EPC2: variants seen among roughly 807,000 people sequenced by gnomAD.
The protein encoded by EPC2 is enhancer of polycomb homolog 2.
EPC2 carries 14 observed loss-of-function variants against 92.1 expected under a neutral mutation model. The observed-to-expected ratio is 0.15, with a 90% CI of 0.10 to 0.24. The LOEUF is 0.24. Ranked by LOEUF, EPC2 falls within the 10% of genes least tolerant of loss-of-function variation. The probability of loss-of-function intolerance (pLI) is 1.00; values close to 1 mark genes in which losing one functional copy is unlikely to be tolerated. For synonymous variants in EPC2, 340 were observed against 334.7 expected (o/e 1.02, Z -0.17); for missense variants, 755 against 971.5 (o/e 0.78, Z 2.96).
chr2:148,678,887 C>A (rs892764548), intron 1 of EPC2, among the ~76,000 whole-genome samples: 5 of 152,206 alleles, frequency 3.3e-5, no homozygotes, highest in African/African-American at 1.2e-4. Flanking sequence ...AAGTGGGAGC[C>A]CAGGCAGAGG....
chr2:148,704,150 A>G (rs1398120687), intron 2 of EPC2, among the ~76,000 whole-genome samples: 1 of 152,272 alleles, frequency 6.6e-6, no homozygotes, highest in East Asian at 1.9e-4. Context: ...TAATACAGGT[A>G]TTCATCACTG....
chr2:148,691,640 A>T (rs186131508), intron 2 of EPC2: 1 of 1,545,454 alleles, frequency 6.5e-7, no homozygotes, highest in Non-Finnish European at 8.8e-7. Context: ...GACACTACCA[A>T]CCGGAGACCA....
At chr2:148,649,639 C>T (rs1320028293) in intron 1 of EPC2, among the ~76,000 whole-genome samples, 3 of 152,032 alleles carry the variant, frequency 2.0e-5, no homozygotes, top group Admixed American at 6.5e-5. Context: ...TGAGGTATTA[C>T]CATTTCTGTT....
chr2:148,722,615 C>T (rs1343957521), intron 2 of EPC2, among the ~76,000 whole-genome samples: 4 of 152,122 alleles, frequency 2.6e-5, no homozygotes, highest in African/African-American at 9.7e-5. Flanking sequence ...AGCAGCGTAG[C>T]GATTTCTCAA....
intron 2 of EPC2, among the ~76,000 whole-genome samples, chr2:148,741,510 T>TA (rs1682878405): frequency 1.3e-5 from 2 of 152,172 alleles, no homozygotes; most frequent in African/African-American, 4.8e-5. Context: ...CTGATTTTAC[T>TA]AAAATTAGAT....
At chr2:148,753,547 A>G (rs1483695561) in intron 3 of EPC2, among the ~76,000 whole-genome samples, 1 of 152,152 alleles carries the variant, frequency 6.6e-6, no homozygotes, top group East Asian at 1.9e-4. Context: ...TAGGGGAACA[A>G]ACAAGCTATT....
At chr2:148,661,978 AAAAC>A (rs1242410480) in intron 1 of EPC2, among the ~76,000 whole-genome samples, 1 of 152,212 alleles carries the variant, frequency 6.6e-6, no homozygotes, top group Non-Finnish European at 1.5e-5. Flanking sequence ...TTACAAGAAA[AAAAC>A]AACCCCATCA....
At chr2:148,746,816 A>G (rs1682993757) in intron 3 of EPC2, among the ~76,000 whole-genome samples, 1 of 146,886 alleles carries the variant, frequency 6.8e-6, no homozygotes, top group Admixed American at 7.3e-5. Context: ...CAGAAAAAAA[A>G]TTGTATACAC....
intron 1 of EPC2, among the ~76,000 whole-genome samples, chr2:148,685,136 A>G (rs1346112256): frequency 2.6e-5 from 4 of 152,066 alleles, no homozygotes; most frequent in Non-Finnish European, 4.4e-5. Context: ...GTAATCATTT[A>G]TAGGTTTTAG....
At chr2:148,674,471 G>A (rs1681224013) in intron 1 of EPC2, among the ~76,000 whole-genome samples, 1 of 152,126 alleles carries the variant, frequency 6.6e-6, no homozygotes, top group Non-Finnish European at 1.5e-5. Context: ...CCATGAACTG[G>A]ACACTTTTGC....
At chr2:148,698,465 A>G (rs183113248) in intron 2 of EPC2, among the ~76,000 whole-genome samples, 4,378 of 151,670 alleles carry the variant, frequency 0.029, 73 homozygotes, top group African/African-American at 0.034. Flanking sequence ...GTGAAACCCT[A>G]TCTCTACTAA....
Position 148,766,925 on chromosome 2 carries a change from T to C in EPC2, c.1140+1779T>C, listed in dbSNP as rs535518902. On this transcript the variant is annotated intron_variant, in intron 7 of 13. Transcript: ENST00000258484. The stretch of plus-strand genomic sequence containing the variant: ...TAGACTGGACATTGTGGCTCATGCC[T>C]GTAATCCCAGCACTTTGGGAAGCCG... 2.6e-5 allele frequency among the ~76,000 whole-genome samples: 4 copies of C among 152,334 alleles called. No homozygotes were observed. In the East Asian group the frequency reaches 7.7e-4, roughly 29 times the overall value.
chr2:148,713,682 T>C lies in EPC2; in HGVS notation c.313+23309T>C, dbSNP rs201795366. 1.6e-4 allele frequency among the ~76,000 whole-genome samples: 24 copies of C among 152,268 alleles called. No individual in the cohort carries two copies. In the East Asian group the frequency reaches 4.2e-3, roughly 27 times the overall value. On this transcript the variant is annotated intron_variant, in intron 2 of 13. Coordinates refer to ENST00000258484, the MANE Select transcript of EPC2 (RefSeq NM_015630.4). ...ATACCATTTTTTATCTTTTATACCATAGTTCTACTGTACCTTATCTATGTT... is the reference window on the plus strand; with the variant it reads ...ATACCATTTTTTATCTTTTATACCACAGTTCTACTGTACCTTATCTATGTT...
intron 1 of EPC2, among the ~76,000 whole-genome samples, chr2:148,645,783 T>C (rs1683785963): frequency 6.6e-6 from 1 of 152,100 alleles, no homozygotes; most frequent in Non-Finnish European, 1.5e-5. Flanking sequence ...CGCCGGCCAG[T>C]TCTGCCGACC....
chr2:148,762,718 C>T lies in EPC2; in HGVS notation c.864C>T (p.Ile288=), dbSNP rs200560665. The change falls in exon 6 of 14, where the codon ATC becomes ATT. Residue 288 remains isoleucine, a synonymous_variant. Transcript: ENST00000258484. Reference sequence around the variant, plus strand: ...GTGAAATCCTTAATGAAGTAAAAATCAGTAGATCAGAAAAAGAGTTATATG... The same window carrying T: ...GTGAAATCCTTAATGAAGTAAAAATTAGTAGATCAGAAAAAGAGTTATATG... ...YGGEILNEVK[I]SRSEKELYAT... is the part of the protein sequence containing the mutation. 6 of 1,609,656 alleles carry T rather than the reference C, an allele frequency of 3.7e-6. No homozygotes were observed. In the South Asian group the frequency reaches 4.4e-5, roughly 12 times the overall value.
chr2:148,685,288 AAGG>A lies in EPC2; in HGVS notation c.154-4923_154-4921del, dbSNP rs1681492023. On this transcript the variant is annotated intron_variant, in intron 1 of 13. Transcript: ENST00000258484. Reference sequence around the variant, plus strand: ...TTATTGTTCGTACTTCTGAAATTTTAAGGAGTTCTCTGCTCTTACAGCTGAAAG... The same window carrying A: ...TTATTGTTCGTACTTCTGAAATTTTAAGTTCTCTGCTCTTACAGCTGAAAG... Among the ~76,000 whole-genome samples, 5 of 152,048 alleles carry A rather than the reference AAGG, an allele frequency of 3.3e-5. No homozygotes were observed. In the South Asian group the frequency reaches 8.3e-4, roughly 25 times the overall value.
chr2:148,646,250 C>G (rs1683798594), intron 1 of EPC2, among the ~76,000 whole-genome samples: 1 of 152,198 alleles, frequency 6.6e-6, no homozygotes, highest in African/African-American at 2.4e-5. Context: ...GATTGGTTTT[C>G]TCTTTTGACT....
chr2:148,727,115 A>G (rs1013823325), intron 2 of EPC2, among the ~76,000 whole-genome samples: 4 of 152,174 alleles, frequency 2.6e-5, no homozygotes, highest in African/African-American at 9.6e-5. Context: ...AATATATGCT[A>G]TAAGGTAAGG....
At chr2:148,750,005 A>G (rs754031025) in intron 3 of EPC2, among the ~76,000 whole-genome samples, 7 of 152,144 alleles carry the variant, frequency 4.6e-5, no homozygotes, top group Admixed American at 2.0e-4. Flanking sequence ...TCAGTGATCT[A>G]TCAATATGTA....
Sources: gnomAD v4.1 joint callset for allele counts (sites outside exome capture counted in the v4.1 genomes callset) on GRCh38, gnomAD v4.1.1 for gene constraint, MANE v1.5 for transcripts, NCBI Gene and HGNC (gene_info 2026-07-23, HGNC 2026-07-21) for gene names.